FEZF2: variants seen among roughly 807,000 people sequenced by gnomAD.
The protein encoded by FEZF2 is fez family zinc finger protein 2.
Under a neutral mutation model 32.8 loss-of-function variants are expected in FEZF2, and 2 were observed. That is an observed-to-expected ratio of 0.06 (90% CI 0.02 to 0.19). The LOEUF is 0.19. Among genes scored for constraint, FEZF2 ranks in the 10% least tolerant of loss-of-function variants. FEZF2 has a pLI of 1.00. For missense variants in FEZF2, 516 were observed against 625.4 expected (o/e 0.83, Z 1.87); for synonymous variants, 322 against 284.8 (o/e 1.13, Z -1.32).
Position 62,372,375 on chromosome 3 carries a change from G to A in FEZF2, c.494C>T (p.Ala165Val), listed in dbSNP as rs1254089813. Residue 165 changes from alanine (A) to valine (V), a missense_variant, in exon 2 of 5, where the codon GCC (alanine) becomes GTC (valine). Ala to Val is a moderately conservative substitution (Grantham distance 64). Coordinates refer to ENST00000283268, the MANE Select transcript of FEZF2 (RefSeq NM_018008.4). This position sits in a 1 kb window ranked among gnomAD's most constrained non-coding sequence, Gnocchi z 9.6. The stretch of plus-strand genomic sequence containing the variant: ...GTTGAAGTAGTAGAGCGAGCCGCTG[G>A]CCGGCAGCCCCACAGCCTGGTTGAT... Reference protein sequence around the residue: ...QVINQAVGLPASGSLYYFNYL... With the variant: ...QVINQAVGLPVSGSLYYFNYL... 6.2e-7 allele frequency: 1 copy of A among 1,611,278 alleles called. No individual in the cohort carries two copies. Among genetic ancestry groups the A allele is most frequent in the Non-Finnish European group, 8.5e-7 (1 of 1,179,784 alleles).
rs550536709 is a variant in FEZF2, at chr3:62,372,873, C to G, written c.-5G>C. On this transcript the variant is annotated 5_prime_UTR_variant, in exon 2 of 5. Transcript: ENST00000283268. The surrounding 1 kb of genome is among the most constrained non-coding windows in gnomAD (Gnocchi z 9.6). Reference sequence around the variant, plus strand: ...CAGGGAAGCCGAGCTTGCCATGGCGCGCGGAGCTGAGCCGAGCCAGGCTGG... The same window carrying G: ...CAGGGAAGCCGAGCTTGCCATGGCGGGCGGAGCTGAGCCGAGCCAGGCTGG... The G allele has an allele frequency of 8.3e-5, 118 of 1,422,030 alleles. 1 individual carries two copies. The African/African-American group carries it at 1.4e-3, about 16-fold the overall frequency. The allele number at this position is 1,422,030 out of a possible 1,614,324, so 88.1% of individuals were successfully genotyped here. A position where few individuals can be genotyped will look rare whatever the true frequency, so the allele number is the denominator to read the frequency against.
chr3:62,371,270 G>T lies in FEZF2; in HGVS notation c.1067C>A (p.Ala356Glu). The change falls in exon 4 of 5, where the codon GCG becomes GAG. Residue 356 changes from alanine to glutamate, a missense_variant. Ala to Glu is a moderately radical substitution (Grantham distance 107). This residue lies in a region of FEZF2 where 79 missense variants were observed against 219.4 expected (regional missense o/e 0.36). Transcript: ENST00000283268. ...STLNTHIRIH[A>E]GYKPFVCEFC... ...TTCGCAGACGAAGGGCTTGTAGCCC[G>T]CGTGGATGCGGATATGCGTGTTGAG... 1.2e-6 allele frequency: 2 copies of T among 1,614,252 alleles called. No homozygotes were observed. Among genetic ancestry groups the T allele is most frequent in the Non-Finnish European group, 1.7e-6 (2 of 1,180,050 alleles).
Position 62,372,551 on chromosome 3 carries a change from G to GCCT in FEZF2, c.315_317dup (p.Gly117dup), listed in dbSNP as rs1384387374. The GCCT allele has an allele frequency of 2.7e-5, 36 of 1,352,350 alleles. No individual in the cohort carries two copies. The highest frequency in any genetic ancestry group is 3.4e-5 in the Non-Finnish European group (36 of 1,053,164). The allele number at this position is 1,352,350 out of a possible 1,614,324, so 83.8% of individuals were successfully genotyped here. Reference sequence around the variant, plus strand: ...CGCCGCCGCCGCCACCGCCGCCGCCGCCTCCGCCGCCGCCCGCCCGGAGGC... The same window carrying GCCT: ...CGCCGCCGCCGCCACCGCCGCCGCCGCCTCCTCCGCCGCCGCCCGCCCGGAGGC... On this transcript the variant is annotated inframe_insertion, in exon 2 of 5. Transcript: ENST00000283268. The surrounding 1 kb of genome is among the most constrained non-coding windows in gnomAD (Gnocchi z 9.6).
In FEZF2 at chr3:62,372,478, A is replaced by G; in HGVS notation, c.391T>C (p.Cys131Arg). Reference sequence around the variant, plus strand: ...AGCTCGGCCTTGCAGCACACGCCACAGTTGGTTTTGCACAAGCCGCTGGCG... The same window carrying G: ...AGCTCGGCCTTGCAGCACACGCCACGGTTGGTTTTGCACAAGCCGCTGGCG... ...CGASGLCKTN[C>R]GVCCKAELGL... The change falls in exon 2 of 5, where the codon TGT becomes CGT. Residue 131 changes from cysteine to arginine, a missense_variant. By Grantham distance (180) the Cys-to-Arg change is radical. This residue lies in a region of FEZF2 where 408 missense variants were observed against 382.2 expected (regional missense o/e 1.07). Coordinates refer to ENST00000283268, the MANE Select transcript of FEZF2 (RefSeq NM_018008.4). This position sits in a 1 kb window ranked among gnomAD's most constrained non-coding sequence, Gnocchi z 9.6. 3.8e-6 allele frequency: 6 copies of G among 1,579,014 alleles called. No homozygotes were observed. The highest frequency in any genetic ancestry group is 5.1e-6 in the Non-Finnish European group (6 of 1,165,388).
At position 62,372,807 on chromosome 3, in the gene FEZF2, G is replaced by A; in HGVS notation, c.62C>T (p.Ser21Leu). Residue 21 changes from serine (S) to leucine (L), a missense_variant, in exon 2 of 5, where the codon TCG becomes TTG. Ser to Leu is a moderately radical substitution (Grantham distance 145). Transcript: ENST00000283268. This position sits in a 1 kb window ranked among gnomAD's most constrained non-coding sequence, Gnocchi z 9.6. ...GGCCAGTGTCTTGGAAGTGGCCGGC[G>A]ACGCTCCGGCGCGCGGGCAGGCCGG... ...VPPACPRAGA[S>L]PATSKTLAFS... 9 of 1,546,750 alleles carry A rather than the reference G, an allele frequency of 5.8e-6. No individual in the cohort carries two copies. The highest frequency in any genetic ancestry group is 7.9e-6 in the Non-Finnish European group (9 of 1,142,634).
rs902552065 is a variant in FEZF2 at position 62,369,962 on chromosome 3, G to C, written c.*121C>G. The C allele has an allele frequency of 8.0e-7, 1 of 1,248,244 alleles. No homozygotes were observed. Among genetic ancestry groups the C allele is most frequent in the Non-Finnish European group, 1.1e-6 (1 of 931,390 alleles). The allele number at this position is 1,248,244 out of a possible 1,614,324, so 77.3% of individuals were successfully genotyped here. ...AGCTTTCCAAAAATATGCTGGTTTCGATAAATAGATTTTAGCCTCTCTGCT... is the reference window on the plus strand; with the variant it reads ...AGCTTTCCAAAAATATGCTGGTTTCCATAAATAGATTTTAGCCTCTCTGCT... On this transcript the variant is annotated 3_prime_UTR_variant, in exon 5 of 5. Coordinates refer to ENST00000283268, the MANE Select transcript of FEZF2 (RefSeq NM_018008.4). This position sits in a 1 kb window ranked among gnomAD's most constrained non-coding sequence, Gnocchi z 4.2.
intron 2 of FEZF2, 85 bp from the exon 3 acceptor site, chr3:62,371,752 A>C (rs555262970): frequency 1.6e-4 from 237 of 1,528,456 alleles, no homozygotes; most frequent in Admixed American, 2.7e-4. Context: ...TACCTCCCCC[A>C]ACCAACACCC....
In FEZF2 at chr3:62,371,414, C is replaced by A; in HGVS notation, c.988-65G>T. The A allele has an allele frequency of 3.8e-6, 6 of 1,586,794 alleles. No individual in the cohort carries two copies. In the South Asian group the frequency reaches 5.8e-5, roughly 15 times the overall value. On this transcript the variant is annotated intron_variant, in intron 3 of 4. Coordinates refer to ENST00000283268, the MANE Select transcript of FEZF2 (RefSeq NM_018008.4). Reference sequence around the variant, plus strand: ...TCGGGAACACCTGGAAGGGACATCCCCCCCACCCCCACTCAACCCTAGAGG... The same window carrying A: ...TCGGGAACACCTGGAAGGGACATCCACCCCACCCCCACTCAACCCTAGAGG...
chr3:62,371,154 C>A lies in FEZF2; in HGVS notation c.1120+63G>T, dbSNP rs553449542. The A allele has an allele frequency of 3.6e-5, 58 of 1,612,526 alleles. 2 individuals carry two copies. In the South Asian group the frequency reaches 5.9e-4, roughly 17 times the overall value. On this transcript the variant is annotated intron_variant, in intron 4 of 4. Coordinates refer to ENST00000283268, the MANE Select transcript of FEZF2 (RefSeq NM_018008.4). Reference sequence around the variant, plus strand: ...TCCAGATCCCTCTTTGCCTTCCTGCCAGCCAGCCGCGACCCGAGTCCTGAG... The same window carrying A: ...TCCAGATCCCTCTTTGCCTTCCTGCAAGCCAGCCGCGACCCGAGTCCTGAG...
intron 3 of FEZF2, 37 bp from the exon 4 acceptor site, chr3:62,371,386 A>G: frequency 6.2e-7 from 1 of 1,601,240 alleles, no homozygotes; most frequent in Non-Finnish European, 8.5e-7. Context: ...AGGAGAGGCC[A>G]CCTCGGGAAC....
chr3:62,371,385 C>T (rs1704266371), intron 3 of FEZF2, 36 bp from the exon 4 acceptor site: 18 of 1,602,570 alleles, frequency 1.1e-5, no homozygotes, highest in Non-Finnish European at 1.4e-5. Context: ...AAGGAGAGGC[C>T]ACCTCGGGAA....
intron 4 of FEZF2, 35 bp downstream of exon 4, chr3:62,371,182 G>C (rs1265077937): frequency 6.2e-7 from 1 of 1,613,930 alleles, no homozygotes; most frequent in Admixed American, 1.7e-5. Context: ...GTCCTGAGGT[G>C]AGGTGAGAAG....
chr3:62,371,901 G>A, intron 2 of FEZF2, 116 bp downstream of exon 2: 1 of 1,452,942 alleles, frequency 6.9e-7, no homozygotes, highest in Non-Finnish European at 9.0e-7. Context: ...CCCAGTTTGG[G>A]TAGTCAACTA....
At position 62,372,811 on chromosome 3, in the gene FEZF2, C is replaced by A; in HGVS notation, c.58G>T (p.Ala20Ser). 1 of 1,540,920 alleles carries A rather than the reference C, an allele frequency of 6.5e-7. No homozygotes were observed. Among genetic ancestry groups the A allele is most frequent in the Non-Finnish European group, 8.8e-7 (1 of 1,139,234 alleles). ...MVPPACPRAGASPATSKTLAF... is the reference protein window; with the variant it reads ...MVPPACPRAGSSPATSKTLAF... ...AGTGTCTTGGAAGTGGCCGGCGACG[C>A]TCCGGCGCGCGGGCAGGCCGGGGGC... is the stretch of plus-strand genomic sequence containing the variant. Residue 20 changes from alanine (A) to serine (S), a missense_variant, in exon 2 of 5, where the codon GCG (alanine) becomes TCG (serine). Ala to Ser is a moderately conservative substitution (Grantham distance 99). Around this residue, in one of 3 missense-constraint regions of FEZF2, gnomAD observed 408 missense variants for 382.2 expected, o/e 1.07. Transcript: ENST00000283268. This position sits in a 1 kb window ranked among gnomAD's most constrained non-coding sequence, Gnocchi z 9.6.
At position 62,372,427 on chromosome 3, in the gene FEZF2, C is replaced by T. The variant is rs765206651; in HGVS notation, c.442G>A (p.Ala148Thr). The T allele has an allele frequency of 1.7e-5, 27 of 1,609,500 alleles. No individual in the cohort carries two copies. Among genetic ancestry groups the T allele is most frequent in the African/African-American group, 5.3e-5 (4 of 74,868 alleles). ...ELGLAPSALP[A>T]GRVIKPQVIN... The stretch of plus-strand genomic sequence containing the variant: ...ACCTGCGGCTTGATGACCCTGCCCG[C>T]GGGCAGCGCGGACGGCGCCAGGCCC... The change falls in exon 2 of 5, where the codon GCG becomes ACG. Residue 148 changes from alanine (A) to threonine (T), a missense_variant. Ala to Thr is a moderately conservative substitution (Grantham distance 58). Coordinates refer to ENST00000283268, the MANE Select transcript of FEZF2 (RefSeq NM_018008.4). The surrounding 1 kb of genome is among the most constrained non-coding windows in gnomAD (Gnocchi z 9.6).
At position 62,372,554 on chromosome 3, in the gene FEZF2, T is replaced by TCCGCCGCCGCCC. The variant is rs756197899; in HGVS notation, c.303_314dup (p.Gly114_Gly117dup). The stretch of plus-strand genomic sequence containing the variant: ...CGCCGCCGCCACCGCCGCCGCCGCC[T>TCCGCCGCCGCCC]CCGCCGCCGCCCGCCCGGAGGCTGC... On this transcript the variant is annotated inframe_insertion, in exon 2 of 5. Transcript: ENST00000283268. This position sits in a 1 kb window ranked among gnomAD's most constrained non-coding sequence, Gnocchi z 9.6. The TCCGCCGCCGCCC allele has an allele frequency of 3.7e-6, 5 of 1,357,238 alleles. No homozygotes were observed. Among genetic ancestry groups the TCCGCCGCCGCCC allele is most frequent in the Non-Finnish European group, 4.7e-6 (5 of 1,055,666 alleles). 84.1% of individuals were successfully genotyped at this position (1,357,238 alleles called of 1,614,324 possible). A position where few individuals can be genotyped will look rare whatever the true frequency, so the allele number is the denominator to read the frequency against.
Position 62,372,178 on chromosome 3 carries a change from G to A in FEZF2, c.691C>T (p.Pro231Ser), listed in dbSNP as rs771458270. ...GGCAAGCGCTCCTTATGGGGATAGG[G>A]AGCCGGGTGGGGGAACTTGTCCGCA... is the stretch of plus-strand genomic sequence containing the variant. ...LAADKFPHPA[P>S]YPHKERLPAP... The change falls in exon 2 of 5, where the codon CCC (proline) becomes TCC (serine). Residue 231 changes from proline to serine, a missense_variant. Pro to Ser is a moderately conservative substitution (Grantham distance 74). This residue lies in a region of FEZF2 where 408 missense variants were observed against 382.2 expected (regional missense o/e 1.07). Transcript: ENST00000283268. This position sits in a 1 kb window ranked among gnomAD's most constrained non-coding sequence, Gnocchi z 9.6. 1.3e-6 allele frequency: 2 copies of A among 1,583,530 alleles called. No homozygotes were observed. Among genetic ancestry groups the A allele is most frequent in the East Asian group, 2.3e-5 (1 of 43,386 alleles).
Position 62,371,634 on chromosome 3 carries a change from T to C in FEZF2, c.886A>G (p.Met296Val). The part of the protein sequence containing the change: ...FNAHYNLTRH[M>V]PVHTGARPFV... The stretch of plus-strand genomic sequence containing the variant: ...GGTCTGGCTCCGGTGTGGACCGGCA[T>C]GTGGCGGGTGAGATTATAGTGAGCG... Residue 296 changes from methionine (M) to valine (V), a missense_variant, in exon 3 of 5, where the codon ATG becomes GTG. Physicochemically the swap from Met to Val is conservative, Grantham distance 21 (BLOSUM62 1). Around this residue, in one of 3 missense-constraint regions of FEZF2, gnomAD observed 79 missense variants for 219.4 expected, o/e 0.36. Transcript: ENST00000283268. 1 of 1,613,964 alleles carries C rather than the reference T, an allele frequency of 6.2e-7. No homozygotes were observed. Among genetic ancestry groups the C allele is most frequent in the Non-Finnish European group, 8.5e-7 (1 of 1,179,944 alleles).
Position 62,369,991 on chromosome 3 carries a change from G to GTTTT in FEZF2, c.*88_*91dup. ...AATAGATTTTAGCCTCTCTGCTATA[G>GTTTT]TTTTTTTTTCTTTTAATTTTAGAAA... On this transcript the variant is annotated 3_prime_UTR_variant, in exon 5 of 5. Coordinates refer to ENST00000283268, the MANE Select transcript of FEZF2 (RefSeq NM_018008.4). This position sits in a 1 kb window ranked among gnomAD's most constrained non-coding sequence, Gnocchi z 4.2. 1 of 1,342,884 alleles carries GTTTT rather than the reference G, an allele frequency of 7.4e-7. No individual in the cohort carries two copies. Among genetic ancestry groups the GTTTT allele is most frequent in the Non-Finnish European group, 1.0e-6 (1 of 1,002,820 alleles). 83.2% of individuals were successfully genotyped at this position (1,342,884 alleles called of 1,614,324 possible). A position where few individuals can be genotyped will look rare whatever the true frequency, so the allele number is the denominator to read the frequency against.
Sources: gnomAD v4.1 joint callset for allele counts on GRCh38, gnomAD v4.1.1 for gene constraint, gnomAD v4.1.1 regional missense constraint, Gnocchi (gnomAD v3.1) non-coding constraint, MANE v1.5 for transcripts, NCBI Gene and HGNC (gene_info 2026-07-23, HGNC 2026-07-21) for gene names.